ADGRL4: variants seen among roughly 807,000 people sequenced by gnomAD.
ADGRL4 encodes the protein adhesion G protein-coupled receptor L4.
In ADGRL4, 90 loss-of-function variants were observed where a neutral mutation model predicts 74.8. The observed-to-expected ratio is 1.20, with a 90% CI of 1.02 to 1.43. ADGRL4 has a LOEUF of 1.43. Ranked by LOEUF, ADGRL4 falls within the 40% of genes most tolerant of loss-of-function variation. The pLI, the probability that ADGRL4 is intolerant of heterozygous loss-of-function variation, is 0.00. For synonymous variants in ADGRL4, 311 were observed against 279.2 expected, an observed-to-expected ratio of 1.11 and a Z score of -1.14; for missense variants, 881 against 814.3, an observed-to-expected ratio of 1.08 and a Z score of -1.00.
Position 79,005,168 on chromosome 1 carries a change from G to A in ADGRL4, c.74C>T (p.Thr25Ile), listed in dbSNP as rs756347310. Residue 25 changes from threonine to isoleucine, a missense_variant, in exon 2 of 15, where the codon ACA becomes ATA. Thr to Ile is a moderately conservative substitution (Grantham distance 89, BLOSUM62 -1). Coordinates refer to ENST00000370742, the MANE Select transcript of ADGRL4 (RefSeq NM_022159.4). Reference protein sequence around the residue: ...NCSYTQNCTKTPCLPNAKCEI... With the variant: ...NCSYTQNCTKIPCLPNAKCEI... Reference sequence around the variant, plus strand: ...ACATTTTGCATTTGGGAGACAAGGTGTCTTGGTGCAATTTTGAGTATAGGA... The same window carrying A: ...ACATTTTGCATTTGGGAGACAAGGTATCTTGGTGCAATTTTGAGTATAGGA... The A allele has an allele frequency of 1.9e-6, 3 of 1,613,512 alleles. No individual in the cohort carries two copies. Among genetic ancestry groups the A allele is most frequent in the Non-Finnish European group, 8.5e-7 (1 of 1,179,748 alleles).
intron 12 of ADGRL4, among the ~76,000 whole-genome samples, chr1:78,901,625 A>G (rs1648520860): frequency 6.6e-6 from 1 of 152,224 alleles, no homozygotes; most frequent in Non-Finnish European, 1.5e-5. Context: ...ATGGTTAGAA[A>G]TAAAATGTAT....
intron 2 of ADGRL4, among the ~76,000 whole-genome samples, chr1:78,963,302 A>G (rs903579762): frequency 6.6e-6 from 1 of 152,156 alleles, no homozygotes; most frequent in Admixed American, 6.5e-5. Flanking sequence ...TATAATAGGT[A>G]ATCAAAAATC....
intron 2 of ADGRL4, among the ~76,000 whole-genome samples, chr1:78,967,501 TA>T (rs2100714033): frequency 6.6e-6 from 1 of 152,310 alleles, no homozygotes; most frequent in South Asian, 2.1e-4. Flanking sequence ...GCAAGAACAG[TA>T]AAAATGTGTT....
intron 2 of ADGRL4, among the ~76,000 whole-genome samples, chr1:78,966,627 G>A (rs1650062399): frequency 6.6e-6 from 1 of 152,070 alleles, no homozygotes; most frequent in African/African-American, 2.4e-5. Flanking sequence ...ATGGACAGAT[G>A]AGCAGGGGCT....
chr1:78,966,814 T>A (rs1171678746), intron 2 of ADGRL4, among the ~76,000 whole-genome samples: 1 of 152,048 alleles, frequency 6.6e-6, no homozygotes, highest in Non-Finnish European at 1.5e-5. Flanking sequence ...TTTTTTCTTT[T>A]CCACCCTATC....
intron 12 of ADGRL4, among the ~76,000 whole-genome samples, chr1:78,906,580 TA>T (rs1648643343): frequency 6.6e-6 from 1 of 151,998 alleles, no homozygotes; most frequent in Non-Finnish European, 1.5e-5. Flanking sequence ...TACAACAATG[TA>T]AATTGATGTA....
At chr1:78,974,801 C>T (rs773390665) in intron 2 of ADGRL4, among the ~76,000 whole-genome samples, 3 of 152,152 alleles carry the variant, frequency 2.0e-5, no homozygotes, top group East Asian at 1.9e-4. Flanking sequence ...AACTCTTCTG[C>T]CTCCTCTTCC....
intron 12 of ADGRL4, among the ~76,000 whole-genome samples, chr1:78,895,301 T>A (rs1355661837): frequency 6.6e-6 from 1 of 152,040 alleles, no homozygotes; most frequent in Non-Finnish European, 1.5e-5. Flanking sequence ...GCTAAGAATT[T>A]TTTTAAAGGG....
intron 2 of ADGRL4, among the ~76,000 whole-genome samples, chr1:78,950,400 G>A (rs1649699089): frequency 6.6e-6 from 1 of 152,078 alleles, no homozygotes; most frequent in African/African-American, 2.4e-5. Flanking sequence ...CGCTTGCCAA[G>A]AATTTGGAAT....
intron 2 of ADGRL4, among the ~76,000 whole-genome samples, chr1:79,001,739 G>T (rs1053030932): frequency 6.6e-6 from 1 of 152,060 alleles, no homozygotes; most frequent in African/African-American, 2.4e-5. Context: ...TATGCTAATT[G>T]CTTAGGGGTA....
rs1455984121 is a variant in ADGRL4 at position 78,926,903 on chromosome 1, T to G, written c.1066A>C (p.Thr356Pro). The G allele has an allele frequency of 1.2e-6, 2 of 1,611,312 alleles. No individual in the cohort carries two copies. The highest frequency in any genetic ancestry group is 1.7e-6 in the Non-Finnish European group (2 of 1,178,220). ...TLYELEKITF[T>P]LSHRKVTDRY... The stretch of plus-strand genomic sequence containing the variant: ...CAGCTTACCTTTCGATGACTTAATG[T>G]AAATGTTATTTTTTCAAGTTCATAT... The change falls in exon 8 of 15, where the codon ACA (threonine) becomes CCA (proline). Residue 356 changes from threonine (T) to proline (P), a missense_variant. Transcript: ENST00000370742.
chr1:78,979,890 G>A (rs931369093), intron 2 of ADGRL4, among the ~76,000 whole-genome samples: 2 of 151,878 alleles, frequency 1.3e-5, no homozygotes, highest in African/African-American at 4.8e-5. Flanking sequence ...AACTTGAGGG[G>A]AAGGGTAGGA....
chr1:78,904,711 C>T (rs920806222), intron 12 of ADGRL4, among the ~76,000 whole-genome samples: 1 of 151,956 alleles, frequency 6.6e-6, no homozygotes, highest in African/African-American at 2.4e-5. Flanking sequence ...GGTTCAAATT[C>T]CAGTTTTCAT....
chr1:78,954,234 G>A (rs61770704), intron 2 of ADGRL4, among the ~76,000 whole-genome samples: 4,718 of 152,158 alleles, frequency 0.031, 106 homozygotes, highest in Non-Finnish European at 0.047. Flanking sequence ...TGAGGGTGGA[G>A]CACAGTGGGC....
At chr1:78,972,719 T>C (rs978125755) in intron 2 of ADGRL4, among the ~76,000 whole-genome samples, 5 of 152,242 alleles carry the variant, frequency 3.3e-5, no homozygotes, top group African/African-American at 9.6e-5. Flanking sequence ...TTCTGTTTTC[T>C]GGTTCTGCAA....
At chr1:78,928,847 C>T (rs763875173) in intron 7 of ADGRL4, among the ~76,000 whole-genome samples, 5 of 151,480 alleles carry the variant, frequency 3.3e-5, no homozygotes, top group Non-Finnish European at 7.4e-5. Context: ...AAGCACAAGC[C>T]TTCCAAACTA....
At chr1:78,997,143 AT>A (rs936744073) in intron 2 of ADGRL4, among the ~76,000 whole-genome samples, 2 of 151,226 alleles carry the variant, frequency 1.3e-5, no homozygotes, top group Non-Finnish European at 2.9e-5. Context: ...CAGGAGGAAT[AT>A]AAAAAAAGGT....
intron 7 of ADGRL4, among the ~76,000 whole-genome samples, chr1:78,931,517 A>G (rs1462722327): frequency 6.6e-6 from 1 of 151,420 alleles, no homozygotes; most frequent in Admixed American, 6.6e-5. Flanking sequence ...AAGAAACCGC[A>G]GCAACTAGTG....
intron 2 of ADGRL4, among the ~76,000 whole-genome samples, chr1:78,954,005 G>A (rs1283751843): frequency 6.6e-6 from 1 of 152,112 alleles, no homozygotes; most frequent in East Asian, 1.9e-4. Context: ...AAATTACTGG[G>A]CATGGTGGCA....
Sources: allele counts gnomAD v4.1 joint callset (sites outside exome capture counted in the v4.1 genomes callset), GRCh38; gene constraint gnomAD v4.1.1; transcripts MANE v1.5; gene names NCBI Gene and HGNC (gene_info 2026-07-23, HGNC 2026-07-21).